ZNF385D: variants seen among roughly 807,000 people sequenced by gnomAD.
ZNF385D encodes the protein zinc finger protein 659.
Under a neutral mutation model 35.8 loss-of-function variants are expected in ZNF385D, and 15 were observed. The observed-to-expected ratio is 0.42, with a 90% CI of 0.28 to 0.64. The LOEUF (loss-of-function observed/expected upper bound fraction) is 0.64. Ranked by LOEUF, ZNF385D falls within the 30% of genes least tolerant of loss-of-function variation. The pLI, the probability that ZNF385D is intolerant of heterozygous loss-of-function variation, is 0.23. For synonymous variants in ZNF385D, 212 were observed against 186.8 expected (o/e 1.13, Z -1.10); for missense variants, 474 against 494.6 (o/e 0.96, Z 0.39).
chr3:21,605,994 C>T (rs758391329), intron 2 of ZNF385D, among the ~76,000 whole-genome samples: 2 of 152,194 alleles, frequency 1.3e-5, no homozygotes, highest in Non-Finnish European at 2.9e-5. Context: ...TGGCCACCTC[C>T]TTCCACTCTG....
At chr3:21,707,082 A>G (rs1306893955) in intron 1 of ZNF385D, among the ~76,000 whole-genome samples, 1 of 152,174 alleles carries the variant, frequency 6.6e-6, no homozygotes, top group East Asian at 1.9e-4. Flanking sequence ...AGTGGGCTTT[A>G]CTTGCCAAGA....
chr3:21,814,508 A>C (rs937969547), intron 3 of ZNF385D, among the ~76,000 whole-genome samples: 1 of 152,210 alleles, frequency 6.6e-6, no homozygotes, highest in African/African-American at 2.4e-5. Flanking sequence ...GCAAATGGAA[A>C]ACAAAAAAAG....
chr3:22,004,260 A>C (rs1047211023), intron 3 of ZNF385D, among the ~76,000 whole-genome samples: 2 of 152,168 alleles, frequency 1.3e-5, no homozygotes, highest in African/African-American at 2.4e-5. Flanking sequence ...GAAGACCCCT[A>C]TCTCTCAGCA....
At chr3:22,094,384 T>TGA (rs150353996) in intron 3 of ZNF385D, among the ~76,000 whole-genome samples, 28,088 of 103,684 alleles carry the variant, frequency 0.27, 4,204 homozygotes, top group Non-Finnish European at 0.34. Context: ...CATTTATTGT[T>TGA]GATATATATA....
At chr3:21,437,876 G>A (rs1018993466) in intron 4 of ZNF385D, among the ~76,000 whole-genome samples, 2 of 152,006 alleles carry the variant, frequency 1.3e-5, no homozygotes, top group African/African-American at 4.8e-5. Flanking sequence ...TACATGCCCT[G>A]TACCAAGCTG....
intron 3 of ZNF385D, among the ~76,000 whole-genome samples, chr3:22,124,444 T>C (rs1703308203): frequency 6.6e-6 from 1 of 151,884 alleles, no homozygotes; most frequent in Non-Finnish European, 1.5e-5. Context: ...TATACATACT[T>C]AGCAGTGGTA....
intron 3 of ZNF385D, among the ~76,000 whole-genome samples, chr3:22,128,300 C>G (rs1010862050): frequency 2.0e-5 from 3 of 152,090 alleles, no homozygotes; most frequent in African/African-American, 7.2e-5. Context: ...TTTTCTCTTG[C>G]TATTCTTAGA....
At chr3:21,809,201 A>G (rs1388737578) in intron 3 of ZNF385D, among the ~76,000 whole-genome samples, 1 of 152,184 alleles carries the variant, frequency 6.6e-6, no homozygotes, top group African/African-American at 2.4e-5. Context: ...AAAATGCTCC[A>G]GCATGCAATA....
chr3:22,002,943 A>G (rs1206337606), intron 3 of ZNF385D, among the ~76,000 whole-genome samples: 1 of 152,200 alleles, frequency 6.6e-6, no homozygotes, highest in Non-Finnish European at 1.5e-5. Context: ...TAAAGGTCAT[A>G]TATGACTAAC....
At chr3:22,056,394 G>A (rs568616626) in intron 3 of ZNF385D, among the ~76,000 whole-genome samples, 4 of 149,960 alleles carry the variant, frequency 2.7e-5, no homozygotes, top group Non-Finnish European at 5.9e-5. Context: ...GTCTATTACA[G>A]ACCATGGCAA....
chr3:21,642,403 C>T (rs1262582946), intron 2 of ZNF385D, among the ~76,000 whole-genome samples: 1 of 152,040 alleles, frequency 6.6e-6, no homozygotes, highest in Non-Finnish European at 1.5e-5. Context: ...AGTATCACCC[C>T]AGTTAAACAC....
intron 1 of ZNF385D, among the ~76,000 whole-genome samples, chr3:21,715,153 A>G (rs755473284): frequency 2.0e-5 from 3 of 152,140 alleles, no homozygotes; most frequent in African/African-American, 7.2e-5. Flanking sequence ...TGTTACATGC[A>G]TCGTGGTCAA....
intron 3 of ZNF385D, among the ~76,000 whole-genome samples, chr3:21,791,075 G>A (rs1265688075): frequency 1.3e-5 from 2 of 152,160 alleles, no homozygotes; most frequent in East Asian, 3.9e-4. Flanking sequence ...ATTTACCAGA[G>A]GTTATAGCTC....
intron 1 of ZNF385D, among the ~76,000 whole-genome samples, chr3:21,690,968 G>A (rs766486840): frequency 6.6e-6 from 1 of 152,158 alleles, no homozygotes; most frequent in Non-Finnish European, 1.5e-5. Flanking sequence ...CCCTCGGATA[G>A]AAATCCCTGT....
At chr3:21,424,317 A>ATATATATATATT (rs1221923155) in intron 6 of ZNF385D, among the ~76,000 whole-genome samples, 29 of 63,798 alleles carry the variant, frequency 4.5e-4, no homozygotes, top group African/African-American at 1.7e-3. Context: ...ATATATATAT[A>ATATATATATATT]TTTTTTTTTT....
chr3:22,087,641 C>T (rs1194692057), intron 3 of ZNF385D, among the ~76,000 whole-genome samples: 1 of 152,090 alleles, frequency 6.6e-6, no homozygotes, highest in Non-Finnish European at 1.5e-5. Context: ...GCTATCACAC[C>T]ATCTCAAGAC....
chr3:22,237,931 C>T (rs1406333824), intron 2 of ZNF385D, among the ~76,000 whole-genome samples: 1 of 150,980 alleles, frequency 6.6e-6, no homozygotes, highest in African/African-American at 2.5e-5. Context: ...CCTGAGTCAC[C>T]ACCCCTGGGC....
intron 2 of ZNF385D, among the ~76,000 whole-genome samples, chr3:22,307,632 T>C (rs1234083063): frequency 1.3e-4 from 20 of 152,098 alleles, no homozygotes; most frequent in Admixed American, 1.3e-3. Flanking sequence ...TACTCATAGA[T>C]TAGGAATATG....
intron 2 of ZNF385D, among the ~76,000 whole-genome samples, chr3:21,606,478 T>C (rs1174776911): frequency 6.6e-6 from 1 of 152,206 alleles, no homozygotes; most frequent in Non-Finnish European, 1.5e-5. Context: ...ACCATTAATA[T>C]ATTTTAGATC....
Sources: gnomAD v4.1 joint callset for allele counts (sites outside exome capture counted in the v4.1 genomes callset) on GRCh38, gnomAD v4.1.1 for gene constraint, MANE v1.5 for transcripts, NCBI Gene and HGNC (gene_info 2026-07-23, HGNC 2026-07-21) for gene names.